The following ANTXR1 variants were observed in gnomAD, a reference collection of about 807,000 sequenced individuals.
ANTXR1 encodes the protein ANTXR cell adhesion molecule 1.
In ANTXR1, 19 loss-of-function variants were observed where a neutral mutation model predicts 78.1. That is an observed-to-expected ratio of 0.24 (90% CI 0.17 to 0.36). The LOEUF (loss-of-function observed/expected upper bound fraction) is 0.36. Among genes scored for constraint, ANTXR1 ranks in the 10% least tolerant of loss-of-function variants. The probability of loss-of-function intolerance (pLI) is 1.00; values close to 1 mark genes in which losing one functional copy is unlikely to be tolerated. For missense variants in ANTXR1, 518 were observed against 718.6 expected (o/e 0.72, Z 3.19); for synonymous variants, 273 against 260.5 (o/e 1.05, Z -0.46).
intron 13 of ANTXR1, among the ~76,000 whole-genome samples, chr2:69,166,192 T>G (rs767184928): frequency 1.4e-4 from 21 of 152,214 alleles, no homozygotes; most frequent in Non-Finnish European, 2.8e-4. Context: ...AACATTTCAA[T>G]TTGATCAGAT....
intron 12 of ANTXR1, among the ~76,000 whole-genome samples, chr2:69,148,820 C>T (rs184758479): frequency 6.6e-6 from 1 of 152,316 alleles, no homozygotes; most frequent in East Asian, 1.9e-4. Context: ...AACACGTTGA[C>T]CACTGCATGT....
intron 17 of ANTXR1, among the ~76,000 whole-genome samples, chr2:69,234,989 TAAAA>T (rs551827542): frequency 1.5e-5 from 1 of 67,776 alleles, no homozygotes; most frequent in Non-Finnish European, 3.1e-5. Context: ...ATAACATAAC[TAAAA>T]AAAAAAAAAA....
intron 8 of ANTXR1, among the ~76,000 whole-genome samples, chr2:69,084,030 C>T (rs1320675946): frequency 6.6e-6 from 1 of 152,202 alleles, no homozygotes; most frequent in Non-Finnish European, 1.5e-5. Context: ...CTTGAACAGG[C>T]TACAAAGATT....
In ANTXR1 at chr2:69,219,421, A is replaced by ACACACACACACACACACACACACC. The variant is rs1305493104; in HGVS notation, c.1435-25803_1435-25802insACACACACACACACACACACACCC. 4.7e-5 allele frequency among the ~76,000 whole-genome samples: 7 copies of ACACACACACACACACACACACACC among 150,206 alleles called. No individual in the cohort carries two copies. In the East Asian group the frequency reaches 7.8e-4, roughly 17 times the overall value. ...CACACACACACACACACACACACACACCCTACTGATGAAAATTAGGTTATC... is the reference window on the plus strand; with the variant it reads ...CACACACACACACACACACACACACACACACACACACACACACACACACCCCCTACTGATGAAAATTAGGTTATC... On this transcript the variant is annotated intron_variant, in intron 17 of 17. Transcript: ENST00000303714.
At chr2:69,108,974 G>A (rs889987687) in intron 10 of ANTXR1, among the ~76,000 whole-genome samples, 1 of 152,224 alleles carries the variant, frequency 6.6e-6, no homozygotes, top group Non-Finnish European at 1.5e-5. Context: ...AGTGTGAAGA[G>A]TTAGAAAGCC....
chr2:69,144,471 C>G (rs1012300205), intron 12 of ANTXR1, among the ~76,000 whole-genome samples: 3 of 152,204 alleles, frequency 2.0e-5, no homozygotes, highest in African/African-American at 7.2e-5. Flanking sequence ...TTCATAGGCA[C>G]CCTCACTCTG....
intron 3 of ANTXR1, among the ~76,000 whole-genome samples, chr2:69,053,576 C>T (rs183516241): frequency 2.8e-4 from 42 of 152,182 alleles, no homozygotes; most frequent in Non-Finnish European, 5.3e-4. Flanking sequence ...AACATTTTCT[C>T]TATTATATCA....
Position 69,182,705 on chromosome 2 carries a change from CACTT to C in ANTXR1, c.1353+48_1353+51del, listed in dbSNP as rs746386563. ...AAATCTATCATCAGTCCTGATAAAA[CACTT>C]ACATAGTGAAGAATCAAAATCTTTC... is the stretch of plus-strand genomic sequence containing the variant. On this transcript the variant is annotated intron_variant, in intron 16 of 17. Coordinates refer to ENST00000303714, the MANE Select transcript of ANTXR1 (RefSeq NM_032208.3). The C allele has an allele frequency of 1.8e-5, 29 of 1,611,542 alleles. No individual in the cohort carries two copies. In the Admixed American group the frequency reaches 4.7e-4, roughly 26 times the overall value.
chr2:69,106,443 G>A (rs573054601), intron 10 of ANTXR1, among the ~76,000 whole-genome samples: 2 of 152,290 alleles, frequency 1.3e-5, no homozygotes, highest in African/African-American at 4.8e-5. Flanking sequence ...AAAGTCACAG[G>A]GGCTCCAGGC....
intron 3 of ANTXR1, among the ~76,000 whole-genome samples, chr2:69,060,866 G>A (rs4594480): frequency 0.35 from 53,396 of 152,054 alleles, 14,611 homozygotes; most frequent in African/African-American, 0.72. Flanking sequence ...GATAAGTTAA[G>A]ATGTTTTCCC....
At chr2:69,144,547 TC>T (rs1169009436) in intron 12 of ANTXR1, among the ~76,000 whole-genome samples, 1 of 152,114 alleles carries the variant, frequency 6.6e-6, no homozygotes, top group African/African-American at 2.4e-5. Context: ...ATCAGCTGCA[TC>T]CCCAGGTGCC....
At chr2:69,080,475 T>C (rs928742614) in intron 8 of ANTXR1, among the ~76,000 whole-genome samples, 1 of 152,220 alleles carries the variant, frequency 6.6e-6, no homozygotes, top group Non-Finnish European at 1.5e-5. Context: ...TCACAAAGTT[T>C]TCTGCCCATA....
At chr2:69,177,784 G>A (rs569004070) in intron 14 of ANTXR1, among the ~76,000 whole-genome samples, 1 of 152,090 alleles carries the variant, frequency 6.6e-6, no homozygotes, top group Non-Finnish European at 1.5e-5. Flanking sequence ...AACCCCTGAC[G>A]GAATATTAAA....
chr2:69,115,533 G>A (rs1672114406), intron 10 of ANTXR1, among the ~76,000 whole-genome samples: 1 of 152,208 alleles, frequency 6.6e-6, no homozygotes, highest in Non-Finnish European at 1.5e-5. Flanking sequence ...GTTATGAATA[G>A]AGTGAAAAAC....
chr2:69,076,454 A>T (rs908482363), intron 7 of ANTXR1, among the ~76,000 whole-genome samples: 2 of 152,248 alleles, frequency 1.3e-5, no homozygotes, highest in African/African-American at 4.8e-5. Flanking sequence ...CAATCTAAAT[A>T]CATGTACCTC....
At chr2:69,191,570 T>TACTGAGATAC (rs1278424625) in intron 16 of ANTXR1, among the ~76,000 whole-genome samples, 2 of 152,220 alleles carry the variant, frequency 1.3e-5, no homozygotes, top group African/African-American at 4.8e-5. Flanking sequence ...CACACACCCA[T>TACTGAGATAC]ACACACTTAA....
chr2:69,183,184 A>G (rs1054962584), intron 16 of ANTXR1, among the ~76,000 whole-genome samples: 17 of 152,122 alleles, frequency 1.1e-4, no homozygotes, highest in African/African-American at 4.1e-4. Context: ...ATATAAGCCC[A>G]TTCCCTTTTA....
chr2:69,056,612 C>T (rs889276706), intron 3 of ANTXR1, among the ~76,000 whole-genome samples: 1 of 152,144 alleles, frequency 6.6e-6, no homozygotes, highest in Non-Finnish European at 1.5e-5. Context: ...TTTATCATTT[C>T]AATGGATATT....
chr2:69,134,632 A>G (rs1672859000), intron 12 of ANTXR1, among the ~76,000 whole-genome samples: 1 of 152,190 alleles, frequency 6.6e-6, no homozygotes, highest in African/African-American at 2.4e-5. Flanking sequence ...GGAGTAAACT[A>G]AATACTACCA....
Sources: gnomAD v4.1 joint callset for allele counts (sites outside exome capture counted in the v4.1 genomes callset) on GRCh38, gnomAD v4.1.1 for gene constraint, MANE v1.5 for transcripts, NCBI Gene and HGNC (gene_info 2026-07-23, HGNC 2026-07-21) for gene names.